The following CSMD1 variants were observed in gnomAD, a reference collection of about 807,000 sequenced individuals.
The protein encoded by CSMD1 is CUB and sushi domain-containing protein 1.
CSMD1 carries 213 observed loss-of-function variants against 417.5 expected under a neutral mutation model. The observed-to-expected ratio is 0.51, with a 90% CI of 0.46 to 0.57. CSMD1 has a LOEUF of 0.57. CSMD1 is among the 20% of genes least tolerant of loss of function. The probability of loss-of-function intolerance (pLI) is 0.00; values close to 1 mark genes in which losing one functional copy is unlikely to be tolerated. For synonymous variants in CSMD1, 2,862 were observed against 1,736.8 expected, an observed-to-expected ratio of 1.65 and a Z score of -16.11; for missense variants, 6,923 against 4,529.7, an observed-to-expected ratio of 1.53 and a Z score of -15.17.
intron 5 of CSMD1, among the ~76,000 whole-genome samples, chr8:3,878,797 A>C (rs745970350): frequency 6.6e-6 from 1 of 152,180 alleles, no homozygotes; most frequent in Non-Finnish European, 1.5e-5. Context: ...TTGAGTAACT[A>C]TAACGACGAC....
chr8:4,425,298 T>C (rs1331472402), intron 2 of CSMD1, among the ~76,000 whole-genome samples: 1 of 151,290 alleles, frequency 6.6e-6, no homozygotes, highest in Non-Finnish European at 1.5e-5. Flanking sequence ...TAATTTAATA[T>C]GGACGTATGT....
chr8:4,342,812 C>T (rs1190825381), intron 3 of CSMD1, among the ~76,000 whole-genome samples: 1 of 151,578 alleles, frequency 6.6e-6, no homozygotes, highest in Non-Finnish European at 1.5e-5. Flanking sequence ...TCGTTCCTGC[C>T]ACAACATCGC....
chr8:4,451,242 G>T (rs762661097), intron 2 of CSMD1, among the ~76,000 whole-genome samples: 2 of 152,102 alleles, frequency 1.3e-5, no homozygotes, highest in African/African-American at 4.8e-5. Flanking sequence ...AAGGAGGGAA[G>T]ATGGCTTGAG....
intron 3 of CSMD1, among the ~76,000 whole-genome samples, chr8:4,249,782 G>T (rs1345937832): frequency 6.6e-6 from 1 of 152,082 alleles, no homozygotes; most frequent in Non-Finnish European, 1.5e-5. Flanking sequence ...GGGCACTTGG[G>T]GAAATGAAGA....
chr8:4,123,256 C>A (rs952740084), intron 3 of CSMD1, among the ~76,000 whole-genome samples: 2 of 152,182 alleles, frequency 1.3e-5, no homozygotes, highest in African/African-American at 4.8e-5. Flanking sequence ...GTAAATGATA[C>A]AGGCTTTGTA....
intron 10 of CSMD1, among the ~76,000 whole-genome samples, chr8:3,510,934 T>A (rs953656354): frequency 2.0e-4 from 31 of 151,958 alleles, no homozygotes; most frequent in African/African-American, 7.5e-4. Context: ...TGCACACGTA[T>A]GTTTACTGCA....
chr8:4,491,201 C>G (rs553007618), intron 2 of CSMD1, among the ~76,000 whole-genome samples: 1 of 151,850 alleles, frequency 6.6e-6, no homozygotes, highest in Admixed American at 6.6e-5. Context: ...ACTTAAAATA[C>G]AAGTTAAAAT....
At chr8:4,555,613 A>G (rs1413987258) in intron 2 of CSMD1, among the ~76,000 whole-genome samples, 2 of 152,102 alleles carry the variant, frequency 1.3e-5, no homozygotes, top group Non-Finnish European at 1.5e-5. Context: ...TTATATCTCT[A>G]TGGAGTGTTT....
intron 3 of CSMD1, among the ~76,000 whole-genome samples, chr8:4,136,990 G>C (rs190552191): frequency 5.3e-5 from 8 of 152,220 alleles, no homozygotes; most frequent in Non-Finnish European, 7.3e-5. Flanking sequence ...ATAAATGTGG[G>C]CACAGTGAGA....
chr8:3,873,654 A>G (rs1235126730), intron 5 of CSMD1, among the ~76,000 whole-genome samples: 1 of 152,222 alleles, frequency 6.6e-6, no homozygotes, highest in Non-Finnish European at 1.5e-5. Flanking sequence ...AACCCCCATG[A>G]CACTAGTTTA....
At chr8:3,872,690 G>C (rs76236765) in intron 5 of CSMD1, among the ~76,000 whole-genome samples, 1 of 151,822 alleles carries the variant, frequency 6.6e-6, no homozygotes, top group Non-Finnish European at 1.5e-5. Flanking sequence ...GAAGAGCCTC[G>C]TGCTACTTAG....
chr8:3,884,825 A>G (rs928116931), intron 5 of CSMD1, among the ~76,000 whole-genome samples: 3 of 151,754 alleles, frequency 2.0e-5, no homozygotes, highest in Admixed American at 2.0e-4. Context: ...GAGAATCTCT[A>G]CTTCGTCGTC....
chr8:3,658,207 T>C (rs73181177), intron 7 of CSMD1, among the ~76,000 whole-genome samples: 11,110 of 152,110 alleles, frequency 0.073, 442 homozygotes, highest in Non-Finnish European at 0.093. Context: ...TATTCAAATA[T>C]GACTCTCAAT....
chr8:3,803,680 G>C (rs1227606964), intron 5 of CSMD1, among the ~76,000 whole-genome samples: 3 of 152,186 alleles, frequency 2.0e-5, no homozygotes, highest in Non-Finnish European at 4.4e-5. Flanking sequence ...ACCACGCAGA[G>C]ATTTGTTGGT....
chr8:3,155,053 T>A (rs1819432828), intron 39 of CSMD1, among the ~76,000 whole-genome samples: 1 of 152,192 alleles, frequency 6.6e-6, no homozygotes, highest in South Asian at 2.1e-4. Context: ...AACTTAAACA[T>A]GTGCTAATAT....
chr8:4,118,707 A>G (rs959371521), intron 3 of CSMD1, among the ~76,000 whole-genome samples: 1 of 152,194 alleles, frequency 6.6e-6, no homozygotes, highest in Admixed American at 6.5e-5. Context: ...ATCTAGAACT[A>G]GAAATACCAT....
At chr8:4,583,667 T>C (rs1176132065) in intron 2 of CSMD1, among the ~76,000 whole-genome samples, 1 of 152,150 alleles carries the variant, frequency 6.6e-6, no homozygotes, top group African/African-American at 2.4e-5. Context: ...ATCTAACTAA[T>C]CTGATGGGGT....
At chr8:4,064,019 G>C (rs1242899002) in intron 3 of CSMD1, among the ~76,000 whole-genome samples, 2 of 152,218 alleles carry the variant, frequency 1.3e-5, no homozygotes, top group African/African-American at 4.8e-5. Flanking sequence ...AGAAGCCTCA[G>C]ATGCTCAACT....
At chr8:3,373,954 T>A (rs1247854092) in intron 18 of CSMD1, among the ~76,000 whole-genome samples, 2 of 404 alleles carry the variant, frequency 5.0e-3, no homozygotes. Context: ...ATCCAACTAT[T>A]TTTTTTTTTT....
Sources: allele counts gnomAD v4.1 joint callset (sites outside exome capture counted in the v4.1 genomes callset), GRCh38; gene constraint gnomAD v4.1.1; transcripts MANE v1.5; gene names NCBI Gene and HGNC (gene_info 2026-07-23, HGNC 2026-07-21).